RIMS1: variants seen among roughly 807,000 people sequenced by gnomAD.
The protein encoded by RIMS1 is regulating synaptic membrane exocytosis protein 1.
Under a neutral mutation model 214.1 loss-of-function variants are expected in RIMS1, and 83 were observed. That is an observed-to-expected ratio of 0.39 (90% confidence interval 0.32 to 0.47). The LOEUF (loss-of-function observed/expected upper bound fraction) is 0.47. Among genes scored for constraint, RIMS1 ranks in the 20% least tolerant of loss-of-function variants. RIMS1 has a pLI of 0.99. For synonymous variants in RIMS1, 793 were observed against 786.8 expected, an observed-to-expected ratio of 1.01 and a Z score of -0.13; for missense variants, 2,050 against 2,161.8, an observed-to-expected ratio of 0.95 and a Z score of 1.03.
intron 1 of RIMS1, among the ~76,000 whole-genome samples, chr6:71,960,996 T>C (rs1350431267): frequency 6.6e-6 from 1 of 152,064 alleles, no homozygotes; most frequent in Non-Finnish European, 1.5e-5. Flanking sequence ...AACATAACTA[T>C]TAGTGAATGA....
At chr6:72,243,110 A>G (rs1013419635) in intron 10 of RIMS1, among the ~76,000 whole-genome samples, 21 of 151,866 alleles carry the variant, frequency 1.4e-4, no homozygotes, top group Middle Eastern at 3.4e-3. Context: ...TTGCCAGTCT[A>G]TAATTTTTAA....
At chr6:72,357,435 G>A (rs1391847122) in intron 29 of RIMS1, among the ~76,000 whole-genome samples, 1 of 152,186 alleles carries the variant, frequency 6.6e-6, no homozygotes, top group Admixed American at 6.6e-5. Context: ...ATTCTAAGGT[G>A]TAACAAATAG....
At chr6:72,335,529 A>G (rs774107073) in intron 29 of RIMS1, among the ~76,000 whole-genome samples, 3 of 152,042 alleles carry the variant, frequency 2.0e-5, no homozygotes, top group Non-Finnish European at 4.4e-5. Flanking sequence ...GTTGGAATAA[A>G]CATACATGTG....
At chr6:72,215,568 A>G (rs1305014895) in intron 6 of RIMS1, among the ~76,000 whole-genome samples, 3 of 152,338 alleles carry the variant, frequency 2.0e-5, no homozygotes, top group Admixed American at 1.3e-4. Flanking sequence ...TGATTTTTCC[A>G]TATGCCTATG....
rs1233156060 is a variant in RIMS1 at position 72,245,798 on chromosome 6, T to C, written c.2082-17T>C. On this transcript the variant is annotated splice_polypyrimidine_tract_variant and intron_variant, in intron 10 of 33. Transcript: ENST00000521978. ...CATTTAACTAATGGGATTTTCACCATATCCTGTTTCTTTTAGTGACATTCC... is the reference window on the plus strand; with the variant it reads ...CATTTAACTAATGGGATTTTCACCACATCCTGTTTCTTTTAGTGACATTCC... 2 of 1,602,040 alleles carry C rather than the reference T, an allele frequency of 1.2e-6. No individual in the cohort carries two copies. The highest frequency in any genetic ancestry group is 1.7e-6 in the Non-Finnish European group (2 of 1,169,346).
chr6:72,213,266 T>C (rs1353019585), intron 6 of RIMS1: 4 of 1,489,532 alleles, frequency 2.7e-6, no homozygotes, highest in Non-Finnish European at 3.6e-6. Flanking sequence ...TTGTCCCAGT[T>C]GTACCTAAAT....
chr6:72,033,114 C>A (rs1054445594), intron 2 of RIMS1, among the ~76,000 whole-genome samples: 1 of 152,194 alleles, frequency 6.6e-6, no homozygotes, highest in East Asian at 1.9e-4. Flanking sequence ...CTGACCCTCC[C>A]GTTTCTTTGT....
rs757648777 is a variant in RIMS1 at position 72,179,925 on chromosome 6, C to A, written c.812+10C>A. On this transcript the variant is annotated intron_variant, in intron 5 of 33. Coordinates refer to ENST00000521978, the MANE Select transcript of RIMS1 (RefSeq NM_014989.7). ...AACCTCCTAGAGAGAGGTAATAGTT[C>A]TTTCACCCTGTAAGCAAAAGGCAAG... 6 of 1,429,994 alleles carry A rather than the reference C, an allele frequency of 4.2e-6. No homozygotes were observed. In the East Asian group the frequency reaches 9.5e-5, roughly 23 times the overall value. The allele number at this position is 1,429,994 out of a possible 1,614,324, so 88.6% of individuals were successfully genotyped here. A position where few individuals can be genotyped will look rare whatever the true frequency, so the allele number is the denominator to read the frequency against.
chr6:72,086,027 C>G (rs1834578406), intron 2 of RIMS1, among the ~76,000 whole-genome samples: 1 of 152,066 alleles, frequency 6.6e-6, no homozygotes, highest in Admixed American at 6.6e-5. Context: ...TCTATATTTT[C>G]CCAAATGTTT....
At chr6:72,168,507 C>T (rs564247640) in intron 4 of RIMS1, among the ~76,000 whole-genome samples, 17 of 152,202 alleles carry the variant, frequency 1.1e-4, no homozygotes, top group South Asian at 6.2e-4. Context: ...TGTGCAGTGG[C>T]GTGCTAGCAC....
chr6:72,023,481 C>T (rs1177108545), intron 2 of RIMS1, among the ~76,000 whole-genome samples: 1 of 151,896 alleles, frequency 6.6e-6, no homozygotes, highest in Non-Finnish European at 1.5e-5. Context: ...TCTAGATTTA[C>T]ATATATTTCC....
At chr6:72,133,648 TCAGC>T (rs1172573757) in intron 4 of RIMS1, among the ~76,000 whole-genome samples, 18 of 152,302 alleles carry the variant, frequency 1.2e-4, no homozygotes, top group African/African-American at 3.8e-4. Flanking sequence ...GTTTCAAATC[TCAGC>T]TCATCTACTC....
At chr6:72,251,655 C>T (rs2073379207) in intron 15 of RIMS1, among the ~76,000 whole-genome samples, 1 of 152,120 alleles carries the variant, frequency 6.6e-6, no homozygotes, top group South Asian at 2.1e-4. Flanking sequence ...GGAATAATTT[C>T]TGTCATCACT....
chr6:72,275,140 A>ATATG (rs2085595682), intron 23 of RIMS1, among the ~76,000 whole-genome samples: 1 of 4,596 alleles, frequency 2.2e-4, no homozygotes, highest in Non-Finnish European at 4.0e-4. Flanking sequence ...ATATATATAT[A>ATATG]TATATATATA....
intron 4 of RIMS1, among the ~76,000 whole-genome samples, chr6:72,151,117 A>G (rs2043505115): frequency 6.6e-6 from 1 of 151,940 alleles, no homozygotes; most frequent in Non-Finnish European, 1.5e-5. Context: ...ATCTCGGCTC[A>G]CTGCACGCTC....
At chr6:72,327,656 C>T (rs908632669) in intron 28 of RIMS1, among the ~76,000 whole-genome samples, 1 of 151,730 alleles carries the variant, frequency 6.6e-6, no homozygotes, top group Non-Finnish European at 1.5e-5. Flanking sequence ...TCCAGTTTCT[C>T]CTAATTCTAG....
intron 6 of RIMS1, among the ~76,000 whole-genome samples, chr6:72,219,987 A>G (rs1050345497): frequency 5.9e-5 from 9 of 152,092 alleles, no homozygotes; most frequent in African/African-American, 2.2e-4. Flanking sequence ...CCTATTCTAT[A>G]TTAAAGGCTT....
chr6:72,077,960 A>G (rs896103238), intron 2 of RIMS1, among the ~76,000 whole-genome samples: 11 of 152,334 alleles, frequency 7.2e-5, no homozygotes, highest in Admixed American at 6.5e-5. Context: ...TTTAGATGAT[A>G]GTGAAATTTT....
At chr6:72,175,081 T>G (rs1003407962) in intron 4 of RIMS1, among the ~76,000 whole-genome samples, 1 of 152,178 alleles carries the variant, frequency 6.6e-6, no homozygotes, top group Non-Finnish European at 1.5e-5. Flanking sequence ...GTTGAAATAT[T>G]ACCTTGATAA....
Sources: allele counts gnomAD v4.1 joint callset (sites outside exome capture counted in the v4.1 genomes callset), GRCh38; gene constraint gnomAD v4.1.1; transcripts MANE v1.5; gene names NCBI Gene and HGNC (gene_info 2026-07-23, HGNC 2026-07-21).